TET1: variants seen among roughly 807,000 people sequenced by gnomAD.
The protein encoded by TET1 is tet methylcytosine dioxygenase 1.
A neutral mutation model predicts 148.7 loss-of-function variants in TET1; 13 were observed. That is an observed-to-expected ratio of 0.09 (90% confidence interval 0.06 to 0.14). TET1 has a LOEUF of 0.14. TET1 is among the 10% of genes least tolerant of loss of function. TET1 has a pLI of 1.00. For synonymous variants in TET1, 907 were observed against 937.2 expected (o/e 0.97, Z 0.59); for missense variants, 2,182 against 2,553.8 (o/e 0.85, Z 3.14).
chr10:68,601,168 A>C lies in TET1; in HGVS notation c.1968+134A>C, dbSNP rs116814803. 743 of 717,262 alleles carry C rather than the reference A, an allele frequency of 1.0e-3. 4 individuals are homozygous for C. The African/African-American group carries it at 0.013, about 12-fold the overall frequency. 44.4% of individuals were successfully genotyped at this position (717,262 alleles called of 1,614,324 possible). A position where few individuals can be genotyped will look rare whatever the true frequency, so the allele number is the denominator to read the frequency against. The stretch of plus-strand genomic sequence containing the variant: ...TCAGTAGATGGATGAATTTCCACTC[A>C]ACTAAAGTGTTTTCTCTCTCTTTTT... On this transcript the variant is annotated intron_variant, in intron 3 of 11. Transcript: ENST00000373644.
At chr10:68,647,495 T>G (rs768867513) in intron 4 of TET1, among the ~76,000 whole-genome samples, 7 of 152,004 alleles carry the variant, frequency 4.6e-5, no homozygotes, top group Non-Finnish European at 1.0e-4. Flanking sequence ...TCCCAGCTAC[T>G]CGGTTGGCTG....
intron 1 of TET1, among the ~76,000 whole-genome samples, chr10:68,570,474 AT>A (rs976974196): frequency 2.0e-5 from 3 of 152,032 alleles, no homozygotes; most frequent in African/African-American, 7.3e-5. Flanking sequence ...AGTGTCTATT[AT>A]GGCCATCTTT....
intron 2 of TET1, among the ~76,000 whole-genome samples, chr10:68,580,032 C>T (rs1438695021): frequency 2.6e-5 from 4 of 151,614 alleles, no homozygotes; most frequent in East Asian, 2.0e-4. Context: ...GGATTCAAGT[C>T]ATTCTCCTGC....
chr10:68,655,632 T>C (rs2055010287), intron 6 of TET1, among the ~76,000 whole-genome samples: 1 of 152,246 alleles, frequency 6.6e-6, no homozygotes, highest in African/African-American at 2.4e-5. Flanking sequence ...GACAGTGATA[T>C]AAAGAATTGT....
intron 3 of TET1, among the ~76,000 whole-genome samples, chr10:68,611,730 C>T (rs185680272): frequency 6.1e-4 from 90 of 147,410 alleles, no homozygotes; most frequent in African/African-American, 2.1e-3. Context: ...GAGGGAGTCT[C>T]GCTCTGTTGC....
At chr10:68,571,847 C>T (rs932228295) in intron 1 of TET1, among the ~76,000 whole-genome samples, 4 of 152,086 alleles carry the variant, frequency 2.6e-5, no homozygotes, top group Admixed American at 1.3e-4. Context: ...TGGCCGGGCA[C>T]GCTGGTTCAC....
Position 68,605,918 on chromosome 10 carries a change from G to A in TET1, c.1968+4884G>A, listed in dbSNP as rs573374527. ...TTGTTTGTTTGTTTGTTGAGCTGAG[G>A]TCTTGCCGTGCTGCCCAGGCTGGTT... On this transcript the variant is annotated intron_variant, in intron 3 of 11. Transcript: ENST00000373644. Among the ~76,000 whole-genome samples, 14 of 152,278 alleles carry A rather than the reference G, an allele frequency of 9.2e-5. No homozygotes were observed. In the East Asian group the frequency reaches 2.5e-3, roughly 27 times the overall value.
chr10:68,619,101 C>A (rs1447620795), intron 3 of TET1, among the ~76,000 whole-genome samples: 1 of 152,138 alleles, frequency 6.6e-6, no homozygotes, highest in African/African-American at 2.4e-5. Context: ...TCCCTTCTTT[C>A]AATCTTAGTC....
At chr10:68,640,653 G>A (rs567356325) in intron 3 of TET1, among the ~76,000 whole-genome samples, 10 of 127,010 alleles carry the variant, frequency 7.9e-5, no homozygotes, top group Admixed American at 3.0e-4. Context: ...CCAGGTTCAC[G>A]CCATTCTCCT....
At chr10:68,583,425 A>G (rs557406827) in intron 2 of TET1, among the ~76,000 whole-genome samples, 1 of 150,876 alleles carries the variant, frequency 6.6e-6, no homozygotes, top group South Asian at 2.2e-4. Context: ...AATTCAGGGC[A>G]TTACCTTGAC....
chr10:68,656,948 C>T (rs2055030820), intron 6 of TET1, among the ~76,000 whole-genome samples: 1 of 151,526 alleles, frequency 6.6e-6, no homozygotes, highest in South Asian at 2.1e-4. Context: ...ATCACTTGAA[C>T]CCAGGAGGCG....
intron 4 of TET1, among the ~76,000 whole-genome samples, chr10:68,649,452 A>G (rs907269730): frequency 1.1e-4 from 16 of 152,080 alleles, no homozygotes; most frequent in Non-Finnish European, 2.4e-4. Context: ...TAAAAAATAC[A>G]AAAAATTAGC....
intron 2 of TET1, among the ~76,000 whole-genome samples, chr10:68,598,275 C>T (rs573965857): frequency 2.6e-5 from 4 of 152,300 alleles, no homozygotes; most frequent in African/African-American, 9.6e-5. Flanking sequence ...TCTGTAATCC[C>T]AGCTACTCGG....
chr10:68,636,573 T>A (rs546312812), intron 3 of TET1, among the ~76,000 whole-genome samples: 84 of 152,308 alleles, frequency 5.5e-4, no homozygotes, highest in Admixed American at 3.5e-3. Context: ...CAAAAGTAGC[T>A]GAGCTTCAGG....
At chr10:68,680,059 T>C (rs1389615968) in intron 8 of TET1, among the ~76,000 whole-genome samples, 5 of 152,230 alleles carry the variant, frequency 3.3e-5, no homozygotes, top group Admixed American at 6.5e-5. Flanking sequence ...TATGGATTTT[T>C]TTTGTGTAAT....
chr10:68,568,217 CT>C lies in TET1; in HGVS notation c.-122-3978del, dbSNP rs566751115. Among the ~76,000 whole-genome samples the C allele has an allele frequency of 4.7e-3, 441 of 93,718 alleles. 4 individuals carry two copies. The highest frequency in any genetic ancestry group is 8.6e-3 in the African/African-American group (207 of 24,110). 61.5% of individuals were successfully genotyped at this position (93,718 alleles called of 152,430 possible). A position where few individuals can be genotyped will look rare whatever the true frequency, so the allele number is the denominator to read the frequency against. Reference sequence around the variant, plus strand: ...ACAGGTGTGAGCCACCGCGCCCAGTCTTTTTTTTTTTTTTTTTTTTTTGAGA... The same window carrying C: ...ACAGGTGTGAGCCACCGCGCCCAGTCTTTTTTTTTTTTTTTTTTTTTGAGA... On this transcript the variant is annotated intron_variant, in intron 1 of 11. Coordinates refer to ENST00000373644, the MANE Select transcript of TET1 (RefSeq NM_030625.3).
intron 3 of TET1, among the ~76,000 whole-genome samples, chr10:68,605,195 C>A (rs891050461): frequency 1.3e-5 from 2 of 152,064 alleles, no homozygotes; most frequent in Admixed American, 6.6e-5. Context: ...CAAGTGGGGC[C>A]AGGAGAGTGG....
Position 68,686,349 on chromosome 10 carries a change from C to T in TET1, c.5053-7C>T, listed in dbSNP as rs757571644. On this transcript the variant is annotated splice_region_variant and splice_polypyrimidine_tract_variant and intron_variant, in intron 10 of 11. Coordinates refer to ENST00000373644, the MANE Select transcript of TET1 (RefSeq NM_030625.3). ...TCTTTCCCATTTCATGTTTTTCTCC[C>T]TATCAGGTTTGTACCTTAACTCGAG... 5 of 1,580,002 alleles carry T rather than the reference C, an allele frequency of 3.2e-6. No individual in the cohort carries two copies. The highest frequency in any genetic ancestry group is 4.3e-6 in the Non-Finnish European group (5 of 1,161,596).
intron 3 of TET1, chr10:68,632,585 G>A: frequency 1.9e-6 from 3 of 1,597,904 alleles, no homozygotes; most frequent in Non-Finnish European, 2.6e-6. Context: ...GTGACTTTGG[G>A]ATGCTGGTTT....
Sources: gnomAD v4.1 joint callset for allele counts (sites outside exome capture counted in the v4.1 genomes callset) on GRCh38, gnomAD v4.1.1 for gene constraint, MANE v1.5 for transcripts, NCBI Gene and HGNC (gene_info 2026-07-23, HGNC 2026-07-21) for gene names.